TG: variants seen among roughly 807,000 people sequenced by gnomAD.
TG encodes the protein thyroglobulin.
In TG, 270 loss-of-function variants were observed where a neutral mutation model predicts 324.7. That is an observed-to-expected ratio of 0.83 (90% CI 0.75 to 0.92). The LOEUF (loss-of-function observed/expected upper bound fraction) is 0.92, where lower values mean the gene tolerates loss of function less well. Ranked by LOEUF, TG falls within the 40% of genes least tolerant of loss-of-function variation. The pLI is 0.00. For missense variants in TG, 3,591 were observed against 3,456.4 expected (o/e 1.04, Z -0.98); for synonymous variants, 1,401 against 1,327.0 (o/e 1.06, Z -1.21).
chr8:132,878,219 G>C (rs772412444), intron 5 of TG, among the ~76,000 whole-genome samples: 1 of 152,082 alleles, frequency 6.6e-6, no homozygotes, highest in Non-Finnish European at 1.5e-5. Flanking sequence ...TTGGTTCCTC[G>C]GGTCCTCATG....
In TG at chr8:132,901,482, G is replaced by T. The variant is rs1238418511; in HGVS notation, c.3563G>T (p.Cys1188Phe). 1.9e-6 allele frequency: 3 copies of T among 1,614,070 alleles called. No individual in the cohort carries two copies. Among genetic ancestry groups the T allele is most frequent in the Non-Finnish European group, 2.5e-6 (3 of 1,180,060 alleles). Residue 1188 changes from cysteine (C) to phenylalanine (F), a missense_variant, in exon 16 of 48, where the codon TGC (cysteine) becomes TTC (phenylalanine). By Grantham distance (205) the Cys-to-Phe change is radical (BLOSUM62 -2). Coordinates refer to ENST00000220616, the MANE Select transcript of TG (RefSeq NM_003235.5). ...CAATGTGACCAGGCCCAGGGCAGCT[G>T]CTGGTGTGTCATGGACAGCGGAGAA... ...PVQCDQAQGS[C>F]WCVMDSGEEV...
At chr8:132,870,055 T>A (rs530206948) in intron 3 of TG, among the ~76,000 whole-genome samples, 39 of 152,270 alleles carry the variant, frequency 2.6e-4, no homozygotes, top group African/African-American at 7.2e-4. Context: ...GTTCCTCCCA[T>A]GAGCCACATG....
chr8:132,945,137 G>A (rs1463560381), intron 26 of TG, among the ~76,000 whole-genome samples: 2 of 152,218 alleles, frequency 1.3e-5, no homozygotes, highest in Non-Finnish European at 1.5e-5. Context: ...GTGAGCGCTT[G>A]TCATGTCATG....
At chr8:132,942,366 T>G (rs1468057690) in intron 26 of TG, among the ~76,000 whole-genome samples, 1 of 152,240 alleles carries the variant, frequency 6.6e-6, no homozygotes, top group Non-Finnish European at 1.5e-5. Flanking sequence ...TTAACTGTTT[T>G]ATATGAAAAC....
At chr8:133,055,361 GCGCGCACACACACACACACA>G (rs1188984109) in intron 41 of TG, among the ~76,000 whole-genome samples, 8,019 of 131,598 alleles carry the variant, frequency 0.061, 554 homozygotes, top group African/African-American at 0.16. Context: ...ACACACGCAC[GCGCGCACACACACACACACA>G]CACACACACA....
chr8:132,968,124 C>T (rs537431334), intron 31 of TG, among the ~76,000 whole-genome samples, 154 bp downstream of exon 31: 31 of 152,112 alleles, frequency 2.0e-4, no homozygotes, highest in South Asian at 8.3e-4. Context: ...CAAACTTTCA[C>T]GGTTAGAATC....
rs751930232 is a variant in TG at position 132,868,185 on chromosome 8, A to G, written c.138A>G (p.Ala46=). Residue 46 remains alanine, a synonymous_variant, in exon 2 of 48, where the codon GCA becomes GCG. Coordinates refer to ENST00000220616, the MANE Select transcript of TG (RefSeq NM_003235.5). ...GGGAAACGGCCTTTCTGAAGCAAGC[A>G]GACTACGTGCCCCAGTGTGCAGAGG... ...LQRETAFLKQ[A]DYVPQCAEDG... The G allele has an allele frequency of 3.7e-5, 59 of 1,614,060 alleles. No homozygotes were observed. Among genetic ancestry groups the G allele is most frequent in the Non-Finnish European group, 6.8e-6 (8 of 1,180,044 alleles).
chr8:132,935,900 T>G, intron 25 of TG, 36 bp downstream of exon 25: 121 of 1,452,026 alleles, frequency 8.3e-5, no homozygotes, highest in Non-Finnish European at 1.1e-4. Flanking sequence ...AGGCCCGCGG[T>G]GGCTTCACAC....
At chr8:132,964,279 C>T (rs916074327) in intron 29 of TG, among the ~76,000 whole-genome samples, 3 of 152,124 alleles carry the variant, frequency 2.0e-5, no homozygotes, top group African/African-American at 7.2e-5. Flanking sequence ...TCTTCCCTCT[C>T]CCCTAGAAGG....
intron 41 of TG, among the ~76,000 whole-genome samples, chr8:133,062,152 A>G (rs1842454082): frequency 6.6e-6 from 1 of 152,206 alleles, no homozygotes; most frequent in Non-Finnish European, 1.5e-5. Flanking sequence ...TGTGACTAGA[A>G]AAGAGGATGC....
At chr8:132,963,755 A>G (rs947586419) in intron 29 of TG, among the ~76,000 whole-genome samples, 1 of 151,582 alleles carries the variant, frequency 6.6e-6, no homozygotes, top group Non-Finnish European at 1.5e-5. Flanking sequence ...GAAGGAAAGA[A>G]GGAAGGAGAA....
intron 27 of TG, among the ~76,000 whole-genome samples, chr8:132,954,561 C>T (rs941910386): frequency 2.6e-5 from 4 of 152,128 alleles, no homozygotes; most frequent in Admixed American, 2.6e-4. Flanking sequence ...GGGTGTGTAC[C>T]CAGTGGTGCT....
chr8:132,867,867 C>T (rs1037035580), intron 1 of TG, among the ~76,000 whole-genome samples: 3 of 151,764 alleles, frequency 2.0e-5, no homozygotes, highest in African/African-American at 7.3e-5. Flanking sequence ...AGACGACTTT[C>T]GCTGCCTGAG....
intron 44 of TG, among the ~76,000 whole-genome samples, chr8:133,116,373 G>A (rs567508667): frequency 2.1e-4 from 32 of 152,316 alleles, no homozygotes; most frequent in Admixed American, 1.2e-3. Context: ...GCCAGTTTTC[G>A]AGCCCACCAC....
intron 26 of TG, among the ~76,000 whole-genome samples, chr8:132,946,067 CACA>C (rs763884391): frequency 3.7e-5 from 5 of 136,890 alleles, no homozygotes; most frequent in South Asian, 2.2e-4. Context: ...CACACACACA[CACA>C]CACCCTATAT....
chr8:133,087,839 A>G (rs1262052398), intron 41 of TG: 2 of 152,132 alleles, frequency 1.3e-5, no homozygotes. Flanking sequence ...GACCTCCTCC[A>G]GCTGTTGAGA....
rs1246475476 is a variant in TG, at chr8:132,911,380, A to T, written c.4006A>T (p.Lys1336Ter). The change falls in exon 19 of 48, where the codon AAG becomes TAG. Residue 1336 changes from lysine (K) to a stop codon, truncating the protein, a stop_gained. Coordinates refer to ENST00000220616, the MANE Select transcript of TG (RefSeq NM_003235.5). LOFTEE classifies it high-confidence loss of function. Reference protein sequence around the residue: ...TARGFCQIQVKTFGTLVSIPV... With the variant: ...TARGFCQIQV ...GAAAGTGTCTGTCTTCTTGTAGGTG[A>T]AGACTTTTGGCACCCTGGTTTCCAT... The T allele has an allele frequency of 6.2e-7, 1 of 1,614,122 alleles. No individual in the cohort carries two copies. The highest frequency in any genetic ancestry group is 8.5e-7 in the Non-Finnish European group (1 of 1,180,036).
chr8:132,869,835 G>A lies in TG; in HGVS notation c.274+9G>A, dbSNP rs747692755. 6.2e-7 allele frequency: 1 copy of A among 1,613,346 alleles called. No homozygotes were observed. Among genetic ancestry groups the A allele is most frequent in the Admixed American group, 1.7e-5 (1 of 60,020 alleles). ...AGGACGGCCTGTGGCTTGTAAGTGG[G>A]AGTGGGGGACGTCCCTTGGAGGGAC... On this transcript the variant is annotated intron_variant, in intron 3 of 47. Coordinates refer to ENST00000220616, the MANE Select transcript of TG (RefSeq NM_003235.5).
chr8:132,921,376 A>G (rs1821091497), intron 21 of TG, among the ~76,000 whole-genome samples: 1 of 152,186 alleles, frequency 6.6e-6, no homozygotes, highest in South Asian at 2.1e-4. Flanking sequence ...TCTCCCAAAC[A>G]TCTTCCCTGA....
Sources: gnomAD v4.1 joint callset for allele counts (sites outside exome capture counted in the v4.1 genomes callset) on GRCh38, gnomAD v4.1.1 for gene constraint, MANE v1.5 for transcripts, NCBI Gene and HGNC (gene_info 2026-07-23, HGNC 2026-07-21) for gene names.